HS6ST3: variants seen among roughly 807,000 people sequenced by gnomAD.
The protein encoded by HS6ST3 is heparan sulfate 6-O-sulfotransferase 3.
Under a neutral mutation model 36.7 loss-of-function variants are expected in HS6ST3, and 12 were observed. The observed-to-expected ratio is 0.33, with a 90% CI of 0.21 to 0.53. HS6ST3 has a LOEUF of 0.53. HS6ST3 is among the 20% of genes least tolerant of loss of function. HS6ST3 has a pLI of 0.95. For synonymous variants in HS6ST3, 240 were observed against 257.5 expected (o/e 0.93, Z 0.65); for missense variants, 584 against 640.9 (o/e 0.91, Z 0.96).
chr13:96,832,380 A>T (rs1033499389), intron 1 of HS6ST3, 110 bp from the exon 2 acceptor site: 1 of 746,304 alleles, frequency 1.3e-6, no homozygotes, highest in African/African-American at 1.8e-5. Flanking sequence ...CTCTCACATG[A>T]ACATTTGGCA....
chr13:96,819,900 C>A (rs1457670513), intron 1 of HS6ST3, among the ~76,000 whole-genome samples: 1 of 151,336 alleles, frequency 6.6e-6, no homozygotes, highest in Non-Finnish European at 1.5e-5. Context: ...CATGGTGAAA[C>A]CCCCATCTCT....
chr13:96,716,708 T>A (rs774673461), intron 1 of HS6ST3, among the ~76,000 whole-genome samples: 2 of 152,222 alleles, frequency 1.3e-5, no homozygotes, highest in Non-Finnish European at 2.9e-5. Context: ...AATCTAGATA[T>A]CTATCTATCT....
intron 1 of HS6ST3, among the ~76,000 whole-genome samples, chr13:96,412,645 G>T (rs1010012254): frequency 2.0e-4 from 30 of 152,166 alleles, no homozygotes; most frequent in Admixed American, 1.8e-3. Flanking sequence ...CACCGTAAGA[G>T]AATGTCAAAA....
At chr13:96,744,902 A>G (rs904261505) in intron 1 of HS6ST3, among the ~76,000 whole-genome samples, 1 of 152,100 alleles carries the variant, frequency 6.6e-6, no homozygotes, top group African/African-American at 2.4e-5. Flanking sequence ...TCAAGTCCAA[A>G]GGAACAAAGG....
At chr13:96,178,119 A>G (rs1020234977) in intron 1 of HS6ST3, among the ~76,000 whole-genome samples, 19 of 152,290 alleles carry the variant, frequency 1.2e-4, no homozygotes, top group African/African-American at 4.3e-4. Flanking sequence ...GGTTGAGGAA[A>G]TAAGTTGAGG....
rs149155536 is a variant in HS6ST3 at position 96,488,378 on chromosome 13, A to C, written c.708-344112A>C. Among the ~76,000 whole-genome samples, 1,114 of 152,256 alleles carry C rather than the reference A, an allele frequency of 7.3e-3. 43 individuals are homozygous for C. The highest frequency in any genetic ancestry group is 0.064 in the Admixed American group (972 of 15,268). On this transcript the variant is annotated intron_variant, in intron 1 of 1. Coordinates refer to ENST00000376705, the MANE Select transcript of HS6ST3 (RefSeq NM_153456.4). ...AGGTTGCCTCTAAGATGAAAGCTTT[A>C]AATTAATAATGATACATACTATAGT... is the stretch of plus-strand genomic sequence containing the variant.
chr13:96,700,630 AT>A (rs1594839810), intron 1 of HS6ST3, among the ~76,000 whole-genome samples: 1 of 152,200 alleles, frequency 6.6e-6, no homozygotes, highest in Non-Finnish European at 1.5e-5. Flanking sequence ...ATACTAATGT[AT>A]CTGTGAGTCT....
chr13:96,589,320 A>T (rs1349308278), intron 1 of HS6ST3, among the ~76,000 whole-genome samples: 1 of 151,862 alleles, frequency 6.6e-6, no homozygotes, highest in Non-Finnish European at 1.5e-5. Context: ...AGGTTATCTA[A>T]TTTTTTATGT....
At chr13:96,248,186 A>T (rs1208865656) in intron 1 of HS6ST3, among the ~76,000 whole-genome samples, 1 of 152,230 alleles carries the variant, frequency 6.6e-6, no homozygotes, top group Non-Finnish European at 1.5e-5. Context: ...GCCATAATTA[A>T]TATACATGCC....
chr13:96,193,148 C>T (rs1468180720), intron 1 of HS6ST3, among the ~76,000 whole-genome samples: 1 of 152,184 alleles, frequency 6.6e-6, no homozygotes, highest in African/African-American at 2.4e-5. Flanking sequence ...ATCAAGGTTG[C>T]TGAAGCTCAG....
intron 1 of HS6ST3, among the ~76,000 whole-genome samples, chr13:96,563,676 C>A (rs1303253427): frequency 1.3e-5 from 2 of 152,166 alleles, no homozygotes; most frequent in African/African-American, 4.8e-5. Flanking sequence ...TGGGATTGTC[C>A]TGCAGAATCA....
chr13:96,808,446 C>A (rs1878246835), intron 1 of HS6ST3, among the ~76,000 whole-genome samples: 1 of 152,190 alleles, frequency 6.6e-6, no homozygotes. Context: ...TTGACTGTTT[C>A]ATTGCTTAAC....
At chr13:96,281,804 T>G (rs1477341895) in intron 1 of HS6ST3, among the ~76,000 whole-genome samples, 1 of 152,198 alleles carries the variant, frequency 6.6e-6, no homozygotes, top group Non-Finnish European at 1.5e-5. Context: ...ACTTCCCTCA[T>G]GAAACATTAG....
intron 1 of HS6ST3, among the ~76,000 whole-genome samples, chr13:96,477,055 G>T (rs551112280): frequency 1.2e-4 from 18 of 152,232 alleles, no homozygotes; most frequent in Non-Finnish European, 1.9e-4. Context: ...TAAAACCTTA[G>T]CCATGTAGCA....
At chr13:96,789,763 T>TA (rs1056234389) in intron 1 of HS6ST3, among the ~76,000 whole-genome samples, 12 of 150,670 alleles carry the variant, frequency 8.0e-5, no homozygotes, top group South Asian at 4.2e-4. Flanking sequence ...GGTTTAGATT[T>TA]AAAAAAAAAC....
intron 1 of HS6ST3, among the ~76,000 whole-genome samples, chr13:96,380,322 A>G (rs1011311252): frequency 1.3e-5 from 2 of 149,788 alleles, no homozygotes; most frequent in East Asian, 2.0e-4. Flanking sequence ...CTGGAGTGCA[A>G]TGGTGGGATA....
At chr13:96,689,407 G>A (rs903506413) in intron 1 of HS6ST3, among the ~76,000 whole-genome samples, 4 of 151,808 alleles carry the variant, frequency 2.6e-5, no homozygotes, top group African/African-American at 9.7e-5. Context: ...TTGATCTGTA[G>A]CAAATTTAAC....
intron 1 of HS6ST3, among the ~76,000 whole-genome samples, chr13:96,743,678 CT>C (rs1876495008): frequency 6.6e-6 from 1 of 151,994 alleles, no homozygotes; most frequent in South Asian, 2.1e-4. Context: ...AGCTTGTGGT[CT>C]TTTCTTTCTT....
intron 1 of HS6ST3, among the ~76,000 whole-genome samples, chr13:96,814,539 G>A (rs1008971213): frequency 6.6e-6 from 1 of 151,930 alleles, no homozygotes; most frequent in Admixed American, 6.6e-5. Flanking sequence ...CAATTTCAAT[G>A]CACAGTTTTT....
Sources: allele counts gnomAD v4.1 joint callset (sites outside exome capture counted in the v4.1 genomes callset), GRCh38; gene constraint gnomAD v4.1.1; transcripts MANE v1.5; gene names NCBI Gene and HGNC (gene_info 2026-07-23, HGNC 2026-07-21).